Variants in DAB1 observed in about 807,000 individuals in gnomAD.
DAB1 encodes DAB adaptor protein 1.
A neutral mutation model predicts 64.6 loss-of-function variants in DAB1; 15 were observed. The ratio of observed to expected loss-of-function variants is 0.23; its 90% CI spans 0.16 to 0.36. DAB1 has a LOEUF of 0.36. Among genes scored for constraint, DAB1 ranks in the 10% least tolerant of loss-of-function variants. The pLI is 1.00. For synonymous variants in DAB1, 235 were observed against 251.9 expected, an observed-to-expected ratio of 0.93 and a Z score of 0.64; for missense variants, 596 against 706.7, an observed-to-expected ratio of 0.84 and a Z score of 1.78.
At chr1:58,539,044 C>A (rs1426993040) in intron 1 of DAB1, 2 of 872,904 alleles carry the variant, frequency 2.3e-6, no homozygotes, top group Admixed American at 1.7e-5. Flanking sequence ...ACTTTTGGTA[C>A]TTGAGAGGCC....
rs147139978 is a variant in DAB1 at position 57,075,575 on chromosome 1, A to G, written c.307-3161T>C. Among the ~76,000 whole-genome samples the G allele has an allele frequency of 3.3e-3, 501 of 152,292 alleles. 1 individual carries two copies. Among genetic ancestry groups the G allele is most frequent in the Middle Eastern group, 6.8e-3 (2 of 294 alleles). ...ACATTAGAATTCTGCTAATCCTACA[A>G]TTGCATTATCACATTCGCTTTAGAA... On this transcript the variant is annotated intron_variant, in intron 4 of 14. Coordinates refer to ENST00000371236, the MANE Select transcript of DAB1 (RefSeq NM_001365792.1).
At chr1:58,332,234 C>A (rs1262374595) in intron 4 of DAB1, among the ~76,000 whole-genome samples, 1 of 152,108 alleles carries the variant, frequency 6.6e-6, no homozygotes, top group Admixed American at 6.5e-5. Context: ...TTTTGAAACT[C>A]CCCTCCCTGA....
intron 5 of DAB1, among the ~76,000 whole-genome samples, chr1:58,090,155 T>C (rs1650564803): frequency 6.6e-6 from 1 of 152,284 alleles, no homozygotes; most frequent in East Asian, 1.9e-4. Context: ...GGTGCTTGTA[T>C]TGATGTGTAA....
intron 2 of DAB1, among the ~76,000 whole-genome samples, chr1:57,207,600 C>G (rs1370531737): frequency 1.3e-5 from 2 of 148,474 alleles, no homozygotes; most frequent in East Asian, 2.0e-4. Context: ...CCCGCCACTA[C>G]GCCCAGCTAA....
intron 1 of DAB1, among the ~76,000 whole-genome samples, chr1:57,345,162 G>A (rs1248961157): frequency 6.6e-6 from 1 of 152,142 alleles, no homozygotes; most frequent in East Asian, 1.9e-4. Context: ...CTTTCCCGAT[G>A]TTTCAGCAGA....
intron 3 of DAB1, among the ~76,000 whole-genome samples, chr1:58,462,381 C>T (rs1397159565): frequency 2.0e-5 from 3 of 152,106 alleles, no homozygotes; most frequent in Middle Eastern, 3.2e-3. Context: ...CCGCCTCGGC[C>T]TCCCAAAGAA....
chr1:58,259,624 G>A (rs1168514876), intron 4 of DAB1, among the ~76,000 whole-genome samples: 2 of 152,174 alleles, frequency 1.3e-5, no homozygotes, highest in Non-Finnish European at 2.9e-5. Context: ...ACATCCAAAA[G>A]ATGTAGGGCC....
chr1:57,489,050 A>C (rs757414096), intron 7 of DAB1, among the ~76,000 whole-genome samples: 1 of 152,236 alleles, frequency 6.6e-6, no homozygotes, highest in Non-Finnish European at 1.5e-5. Flanking sequence ...ATTATTTGGA[A>C]TCAATCTGGG....
chr1:57,234,575 C>T (rs947623259), intron 2 of DAB1, among the ~76,000 whole-genome samples: 5 of 152,000 alleles, frequency 3.3e-5, no homozygotes, highest in Non-Finnish European at 5.9e-5. Flanking sequence ...GTATTAGTTT[C>T]CTGCTGCCAT....
intron 7 of DAB1, among the ~76,000 whole-genome samples, chr1:57,600,218 A>G (rs1166308449): frequency 6.6e-6 from 1 of 152,214 alleles, no homozygotes; most frequent in Non-Finnish European, 1.5e-5. Context: ...CAGGAGCTAC[A>G]TCTGGGGTCT....
chr1:57,091,718 G>A (rs1262054990), intron 4 of DAB1, among the ~76,000 whole-genome samples: 4 of 152,140 alleles, frequency 2.6e-5, no homozygotes, highest in Admixed American at 6.5e-5. Flanking sequence ...CTGTGCCTCT[G>A]TTTGCTTATC....
At chr1:57,877,164 G>A (rs1328217233) in intron 1 of DAB1, among the ~76,000 whole-genome samples, 2 of 152,098 alleles carry the variant, frequency 1.3e-5, no homozygotes, top group Admixed American at 6.6e-5. Context: ...GGTTCAGAGT[G>A]GTTAAGACAC....
intron 4 of DAB1, among the ~76,000 whole-genome samples, chr1:57,119,904 A>C (rs1656483107): frequency 6.6e-6 from 1 of 152,200 alleles, no homozygotes; most frequent in African/African-American, 2.4e-5. Context: ...GAGATTGGAA[A>C]AAACAAACAG....
At chr1:57,036,731 A>G (rs868465981) in intron 9 of DAB1, among the ~76,000 whole-genome samples, 39 of 152,208 alleles carry the variant, frequency 2.6e-4, no homozygotes, top group African/African-American at 9.2e-4. Context: ...TTAAGCTTCC[A>G]GTGAGGAAAT....
intron 7 of DAB1, among the ~76,000 whole-genome samples, chr1:57,537,861 T>C (rs1644748473): frequency 6.6e-6 from 1 of 152,194 alleles, no homozygotes; most frequent in Non-Finnish European, 1.5e-5. Flanking sequence ...CATGTGCTGA[T>C]GGCCTCTGGC....
At chr1:58,089,637 C>T (rs1044633365) in intron 5 of DAB1, among the ~76,000 whole-genome samples, 2 of 152,164 alleles carry the variant, frequency 1.3e-5, no homozygotes, top group African/African-American at 4.8e-5. Flanking sequence ...CAAAGAGAAA[C>T]ATTGCAGGGA....
At chr1:57,260,743 T>C (rs929431117) in intron 2 of DAB1, among the ~76,000 whole-genome samples, 4 of 152,122 alleles carry the variant, frequency 2.6e-5, no homozygotes, top group African/African-American at 9.7e-5. Context: ...TGCTCTTGGT[T>C]TTCTCACACT....
At chr1:58,116,914 C>A (rs920475001) in intron 5 of DAB1, among the ~76,000 whole-genome samples, 1 of 152,130 alleles carries the variant, frequency 6.6e-6, no homozygotes, top group African/African-American at 2.4e-5. Flanking sequence ...CTTATTGGCA[C>A]AAAATCCTAA....
chr1:58,064,241 A>G (rs1391000905), intron 5 of DAB1, among the ~76,000 whole-genome samples: 1 of 152,218 alleles, frequency 6.6e-6, no homozygotes, highest in Non-Finnish European at 1.5e-5. Context: ...TCTCATCTTA[A>G]TTAATGAACA....
Sources: gnomAD v4.1 joint callset for allele counts (sites outside exome capture counted in the v4.1 genomes callset) on GRCh38, gnomAD v4.1.1 for gene constraint, MANE v1.5 for transcripts, NCBI Gene and HGNC (gene_info 2026-07-23, HGNC 2026-07-21) for gene names.